DEPTOR: variants seen among roughly 807,000 people sequenced by gnomAD.
The protein encoded by DEPTOR is DEP domain-containing mTOR-interacting protein.
In DEPTOR, 41 loss-of-function variants were observed where a neutral mutation model predicts 41.6. That is an observed-to-expected ratio of 0.98 (90% CI 0.77 to 1.28). The LOEUF (loss-of-function observed/expected upper bound fraction) is 1.28, where lower values mean the gene tolerates loss of function less well. Among genes scored for constraint, DEPTOR ranks in the 50% most tolerant of loss-of-function variants. DEPTOR has a pLI of 0.00. For missense variants in DEPTOR, 514 were observed against 527.9 expected, an observed-to-expected ratio of 0.97 and a Z score of 0.26; for synonymous variants, 195 against 192.3, an observed-to-expected ratio of 1.01 and a Z score of -0.12.
rs1253152973 is a variant in DEPTOR at position 120,050,125 on chromosome 8, T to A, written c.*421T>A. 1 of 153,724 alleles carries A rather than the reference T, an allele frequency of 6.5e-6. No individual in the cohort carries two copies. Among genetic ancestry groups the A allele is most frequent in the African/African-American group, 2.4e-5 (1 of 41,470 alleles). 9.5% of individuals were successfully genotyped at this position (153,724 alleles called of 1,614,324 possible). On this transcript the variant is annotated 3_prime_UTR_variant, in exon 9 of 9. Coordinates refer to ENST00000286234, the MANE Select transcript of DEPTOR (RefSeq NM_022783.4). ...TTCTCCAAAATTAGCATGCAGCTAT[T>A]TAATAGGGAATCTAGATTTCACCAA...
chr8:120,030,703 C>T (rs1346768396), intron 8 of DEPTOR, among the ~76,000 whole-genome samples: 1 of 151,698 alleles, frequency 6.6e-6, no homozygotes, highest in Non-Finnish European at 1.5e-5. Context: ...TGGGATTTCA[C>T]CATGTGGGCC....
At position 119,906,174 on chromosome 8, in the gene DEPTOR, G is replaced by A. The variant is rs569795366; in HGVS notation, c.123-22226G>A. ...TATACACACACACACAAATTTTGCCGGGTGCAATGGCTCACACCTATAATC... is the reference window on the plus strand; with the variant it reads ...TATACACACACACACAAATTTTGCCAGGTGCAATGGCTCACACCTATAATC... On this transcript the variant is annotated intron_variant, in intron 1 of 8. Transcript: ENST00000286234. 1.3e-4 allele frequency among the ~76,000 whole-genome samples: 20 copies of A among 152,010 alleles called. No individual in the cohort carries two copies. In the South Asian group the frequency reaches 2.9e-3, roughly 22 times the overall value.
intron 8 of DEPTOR, among the ~76,000 whole-genome samples, chr8:120,032,045 TC>T (rs1586666563): frequency 6.6e-6 from 1 of 152,040 alleles, no homozygotes; most frequent in East Asian, 1.9e-4. Flanking sequence ...TAACAGCACT[TC>T]CGCCTTTACC....
chr8:119,970,585 C>T (rs371215470), intron 4 of DEPTOR, among the ~76,000 whole-genome samples: 171 of 152,280 alleles, frequency 1.1e-3, no homozygotes, highest in South Asian at 1.7e-3. Context: ...ATAACTTTCC[C>T]ATTCCTCGGA....
chr8:120,010,462 A>C (rs1190083399), intron 8 of DEPTOR, among the ~76,000 whole-genome samples: 1 of 152,014 alleles, frequency 6.6e-6, no homozygotes, highest in Admixed American at 6.6e-5. Flanking sequence ...TAAAGATACA[A>C]AAAATTAGCC....
intron 8 of DEPTOR, among the ~76,000 whole-genome samples, chr8:120,025,424 A>C (rs1812782642): frequency 1.3e-5 from 2 of 152,290 alleles, no homozygotes; most frequent in South Asian, 4.2e-4. Context: ...TGGTTCTCCA[A>C]GGAGAGCCTG....
chr8:119,998,364 G>A (rs1812300301), intron 4 of DEPTOR, among the ~76,000 whole-genome samples: 1 of 152,204 alleles, frequency 6.6e-6, no homozygotes, highest in Non-Finnish European at 1.5e-5. Flanking sequence ...GGAATTACAG[G>A]CATGAGCCAC....
At chr8:120,035,123 G>A (rs1166233233) in intron 8 of DEPTOR, among the ~76,000 whole-genome samples, 1 of 152,072 alleles carries the variant, frequency 6.6e-6, no homozygotes, top group East Asian at 1.9e-4. Context: ...TTTGAGACTA[G>A]CCTGGGCAAC....
chr8:119,895,663 CA>C (rs1391587138), intron 1 of DEPTOR, among the ~76,000 whole-genome samples: 1 of 152,204 alleles, frequency 6.6e-6, no homozygotes. Flanking sequence ...CTACTAGTCC[CA>C]GCCCACCCAC....
intron 1 of DEPTOR, among the ~76,000 whole-genome samples, chr8:119,927,570 C>CATATATATATACATATATATTAT (rs1353736859): frequency 6.8e-6 from 1 of 146,870 alleles, no homozygotes; most frequent in African/African-American, 2.5e-5. Flanking sequence ...CACATATATA[C>CATATATATATACATATATATTAT]ATATATATAT....
Position 119,972,487 on chromosome 8 carries a change from G to GAA in DEPTOR, c.604+7077_604+7078insAA, listed in dbSNP as rs1294792317. 1.7e-3 allele frequency among the ~76,000 whole-genome samples: 254 copies of GAA among 152,210 alleles called. 5 individuals are homozygous for GAA. In the East Asian group the frequency reaches 0.045, roughly 27 times the overall value. ...AAAATACAAAAATTAGCCAGGTGTG[G>GAA]TAGCATGTGCCGGTAGTCCCAGCTA... On this transcript the variant is annotated intron_variant, in intron 4 of 8. Transcript: ENST00000286234.
intron 3 of DEPTOR, among the ~76,000 whole-genome samples, chr8:119,954,854 G>GTC (rs1828398423): frequency 7.0e-6 from 1 of 143,360 alleles, no homozygotes; most frequent in Non-Finnish European, 1.5e-5. Context: ...TGGTGTGTGT[G>GTC]TGTGTGTGTG....
intron 3 of DEPTOR, among the ~76,000 whole-genome samples, chr8:119,951,072 AACACACACAC>A (rs35455263): frequency 7.1e-6 from 1 of 141,452 alleles, no homozygotes; most frequent in South Asian, 2.2e-4. Context: ...CACACACACA[AACACACACAC>A]ACACACACAC....
intron 3 of DEPTOR, 21 bp downstream of exon 3, chr8:119,929,959 C>G: frequency 3.8e-6 from 6 of 1,599,032 alleles, no homozygotes; most frequent in Admixed American, 1.7e-5. Flanking sequence ...CATGAAATCC[C>G]CCCTGTAATC....
intron 8 of DEPTOR, among the ~76,000 whole-genome samples, chr8:120,032,879 C>T (rs1258266174): frequency 6.6e-6 from 1 of 152,078 alleles, no homozygotes; most frequent in Non-Finnish European, 1.5e-5. Context: ...CAAGTTGACA[C>T]CAAAAAGCTC....
intron 3 of DEPTOR, among the ~76,000 whole-genome samples, chr8:119,935,897 A>G (rs1352444007): frequency 6.6e-6 from 1 of 152,006 alleles, no homozygotes; most frequent in Non-Finnish European, 1.5e-5. Flanking sequence ...CTTCGATTTT[A>G]TCTTCAAACT....
chr8:120,029,421 A>T (rs369351606), intron 8 of DEPTOR, among the ~76,000 whole-genome samples: 3 of 152,236 alleles, frequency 2.0e-5, no homozygotes, highest in East Asian at 3.9e-4. Context: ...ATTGAGACGG[A>T]GTCTCACTCT....
intron 3 of DEPTOR, among the ~76,000 whole-genome samples, chr8:119,954,928 G>A (rs1199414015): frequency 6.6e-6 from 1 of 151,874 alleles, no homozygotes; most frequent in Non-Finnish European, 1.5e-5. Flanking sequence ...GCACAATCTT[G>A]GCTCACTGGA....
intron 3 of DEPTOR, among the ~76,000 whole-genome samples, chr8:119,937,374 G>C (rs1356816970): frequency 1.3e-5 from 2 of 152,202 alleles, no homozygotes; most frequent in African/African-American, 4.8e-5. Context: ...ACTCCAGCCT[G>C]GGTGACAGAG....
Sources: allele counts gnomAD v4.1 joint callset (sites outside exome capture counted in the v4.1 genomes callset), GRCh38; gene constraint gnomAD v4.1.1; transcripts MANE v1.5; gene names NCBI Gene and HGNC (gene_info 2026-07-23, HGNC 2026-07-21).